Variants in UNC5D observed in about 807,000 individuals in gnomAD.
The protein encoded by UNC5D is unc-5 netrin receptor D, also known as netrin receptor UNC5D.
A neutral mutation model predicts 105.4 loss-of-function variants in UNC5D; 39 were observed. The observed-to-expected ratio is 0.37, with a 90% confidence interval of 0.29 to 0.48. The LOEUF is 0.48. UNC5D is among the 20% of genes least tolerant of loss of function. The probability of loss-of-function intolerance (pLI) is 0.98; values close to 1 mark genes in which losing one functional copy is unlikely to be tolerated. For synonymous variants in UNC5D, 452 were observed against 450.4 expected (o/e 1.00, Z -0.04); for missense variants, 991 against 1,202.4 (o/e 0.82, Z 2.60).
intron 1 of UNC5D, among the ~76,000 whole-genome samples, chr8:35,409,747 G>C (rs1269125247): frequency 6.6e-6 from 1 of 151,586 alleles, no homozygotes; most frequent in Non-Finnish European, 1.5e-5. Flanking sequence ...CTTAATTTTG[G>C]TTTACCAAGT....
At chr8:35,366,482 A>T (rs1563348724) in intron 1 of UNC5D, among the ~76,000 whole-genome samples, 1 of 152,044 alleles carries the variant, frequency 6.6e-6, no homozygotes, top group Non-Finnish European at 1.5e-5. Flanking sequence ...AGAACTGGTG[A>T]GAGTTTTCTG....
chr8:35,414,113 T>C (rs1805381182), intron 1 of UNC5D, among the ~76,000 whole-genome samples: 1 of 152,144 alleles, frequency 6.6e-6, no homozygotes, highest in Non-Finnish European at 1.5e-5. Context: ...GTTTTAGTAT[T>C]CATTAATTCT....
chr8:35,653,498 T>C (rs1823549748), intron 4 of UNC5D, among the ~76,000 whole-genome samples: 1 of 152,182 alleles, frequency 6.6e-6, no homozygotes, highest in Non-Finnish European at 1.5e-5. Flanking sequence ...CTGATGCTAA[T>C]GCTGTTTGTG....
At chr8:35,489,195 A>T (rs1379943197) in intron 1 of UNC5D, among the ~76,000 whole-genome samples, 1 of 151,844 alleles carries the variant, frequency 6.6e-6, no homozygotes, top group African/African-American at 2.4e-5. Context: ...TTTGGTAGAG[A>T]TGGGGTTTCA....
intron 1 of UNC5D, among the ~76,000 whole-genome samples, chr8:35,323,188 C>CTTTTTTTTTTTTTTT (rs67076001): frequency 4.0e-5 from 5 of 125,924 alleles, no homozygotes; most frequent in Admixed American, 7.9e-5. Context: ...TTTTCTTTTT[C>CTTTTTTTTTTTTTTT]TTTTTTTTTT....
chr8:35,461,721 A>T (rs985990117), intron 1 of UNC5D, among the ~76,000 whole-genome samples: 1 of 152,164 alleles, frequency 6.6e-6, no homozygotes, highest in Non-Finnish European at 1.5e-5. Flanking sequence ...ACTGCTGGGG[A>T]CTCTGCTTCT....
intron 7 of UNC5D, among the ~76,000 whole-genome samples, chr8:35,704,699 G>A (rs1202230157): frequency 6.6e-6 from 1 of 152,156 alleles, no homozygotes; most frequent in Non-Finnish European, 1.5e-5. Context: ...TCTTGGCATA[G>A]CGTCTGAAGG....
At chr8:35,721,884 A>G (rs1043416000) in intron 8 of UNC5D, among the ~76,000 whole-genome samples, 20 of 152,354 alleles carry the variant, frequency 1.3e-4, no homozygotes, top group African/African-American at 4.1e-4. Flanking sequence ...GCAGGTAAAC[A>G]TGACATCCTA....
At chr8:35,744,968 G>T (rs1257406139) in intron 11 of UNC5D, among the ~76,000 whole-genome samples, 9 of 151,914 alleles carry the variant, frequency 5.9e-5, no homozygotes, top group Non-Finnish European at 1.0e-4. Context: ...CTGTAGAATC[G>T]CTTGAACCTA....
intron 1 of UNC5D, among the ~76,000 whole-genome samples, chr8:35,336,250 A>C (rs1255635562): frequency 6.6e-6 from 1 of 152,172 alleles, no homozygotes; most frequent in African/African-American, 2.4e-5. Context: ...ATTGAAAGCT[A>C]AAACCAGTTT....
chr8:35,666,636 A>G (rs1249586143), intron 4 of UNC5D, among the ~76,000 whole-genome samples: 1 of 152,178 alleles, frequency 6.6e-6, no homozygotes, highest in Non-Finnish European at 1.5e-5. Context: ...AGGCTGATTA[A>G]GATGAGAAAC....
intron 8 of UNC5D, among the ~76,000 whole-genome samples, chr8:35,720,779 G>A (rs1380588088): frequency 2.0e-5 from 3 of 151,896 alleles, no homozygotes; most frequent in Non-Finnish European, 2.9e-5. Flanking sequence ...GTTTCTCAGC[G>A]GGCACCATGC....
intron 1 of UNC5D, among the ~76,000 whole-genome samples, chr8:35,373,855 A>G (rs573370633): frequency 6.6e-6 from 1 of 152,296 alleles, no homozygotes; most frequent in African/African-American, 2.4e-5. Context: ...TTCACCACTG[A>G]CACTCTCTTA....
At chr8:35,760,286 G>T (rs921011781) in intron 14 of UNC5D, among the ~76,000 whole-genome samples, 1 of 151,784 alleles carries the variant, frequency 6.6e-6, no homozygotes, top group Admixed American at 6.6e-5. Flanking sequence ...CAGGTGATCC[G>T]CCCACCTCAG....
intron 1 of UNC5D, among the ~76,000 whole-genome samples, chr8:35,304,233 A>G (rs914453979): frequency 7.9e-5 from 12 of 152,074 alleles, no homozygotes; most frequent in Non-Finnish European, 1.5e-4. Flanking sequence ...GGCCTCTCTG[A>G]TACAGACATG....
chr8:35,668,727 T>G (rs1824587262), intron 4 of UNC5D, among the ~76,000 whole-genome samples: 1 of 152,164 alleles, frequency 6.6e-6, no homozygotes, highest in Admixed American at 6.6e-5. Context: ...TATAGTTTAT[T>G]GTTATAATTA....
At chr8:35,484,108 A>G (rs1205899185) in intron 1 of UNC5D, among the ~76,000 whole-genome samples, 1 of 152,214 alleles carries the variant, frequency 6.6e-6, no homozygotes, top group Admixed American at 6.5e-5. Flanking sequence ...CCTGTAGTGA[A>G]TTAAGCGTTA....
At chr8:35,455,525 C>G (rs1274791207) in intron 1 of UNC5D, among the ~76,000 whole-genome samples, 2 of 151,848 alleles carry the variant, frequency 1.3e-5, no homozygotes, top group East Asian at 3.9e-4. Context: ...GTGATCCGTC[C>G]ACCTCCGCCT....
rs1295255711 is a variant in UNC5D at position 35,686,787 on chromosome 8, T to C, written c.1084+78T>C. On this transcript the variant is annotated intron_variant, in intron 7 of 16. Transcript: ENST00000404895. ...ATCTCAAGAAAGTAAGCTACAGCCA[T>C]TAATGTGGTTAAATAAGTTAGCAGA... is the stretch of plus-strand genomic sequence containing the variant. 7.4e-6 allele frequency: 11 copies of C among 1,485,336 alleles called. 1 individual carries two copies. The highest frequency in any genetic ancestry group is 8.0e-6 in the Non-Finnish European group (9 of 1,120,068). The allele number at this position is 1,485,336 out of a possible 1,614,324, so 92.0% of individuals were successfully genotyped here. A position where few individuals can be genotyped will look rare whatever the true frequency, so the allele number is the denominator to read the frequency against.
Sources: gnomAD v4.1 joint callset for allele counts (sites outside exome capture counted in the v4.1 genomes callset) on GRCh38, gnomAD v4.1.1 for gene constraint, MANE v1.5 for transcripts, NCBI Gene and HGNC (gene_info 2026-07-23, HGNC 2026-07-21) for gene names.